PEAK1: variants seen among roughly 807,000 people sequenced by gnomAD.
PEAK1 encodes pseudopodium enriched atypical kinase 1.
A neutral mutation model predicts 124.7 loss-of-function variants in PEAK1; 54 were observed. The ratio of observed to expected loss-of-function variants is 0.43; its 90% confidence interval spans 0.35 to 0.54. PEAK1 has a LOEUF of 0.54. PEAK1 is among the 20% of genes least tolerant of loss of function. The pLI, the probability that PEAK1 is intolerant of heterozygous loss-of-function variation, is 0.01. For synonymous variants in PEAK1, 719 were observed against 760.0 expected (o/e 0.95, Z 0.89); for missense variants, 2,046 against 2,134.5 (o/e 0.96, Z 0.82).
chr15:77,166,345 A>G (rs1298221441), intron 7 of PEAK1, among the ~76,000 whole-genome samples: 2 of 152,242 alleles, frequency 1.3e-5, no homozygotes, highest in Non-Finnish European at 2.9e-5. Flanking sequence ...ATAGTGGCCA[A>G]AATTTACATA....
intron 2 of PEAK1, among the ~76,000 whole-genome samples, chr15:77,322,860 T>C (rs2065316173): frequency 6.6e-6 from 1 of 152,188 alleles, no homozygotes; most frequent in Admixed American, 6.5e-5. Flanking sequence ...ATATCCCTGA[T>C]GAACATCGAT....
At chr15:77,350,017 C>A (rs1037663109) in intron 2 of PEAK1, 2 of 984,828 alleles carry the variant, frequency 2.0e-6, no homozygotes, top group Non-Finnish European at 2.4e-6. Flanking sequence ...AAGAAGAAGA[C>A]ATAGAACAGC....
chr15:77,161,770 A>G (rs2055661713), intron 7 of PEAK1, among the ~76,000 whole-genome samples: 1 of 152,068 alleles, frequency 6.6e-6, no homozygotes, highest in Admixed American at 6.5e-5. Flanking sequence ...GTTCAACACC[A>G]GCCTGGCCAA....
intron 7 of PEAK1, among the ~76,000 whole-genome samples, chr15:77,161,371 G>A (rs1467962078): frequency 1.3e-5 from 2 of 152,184 alleles, no homozygotes; most frequent in Non-Finnish European, 2.9e-5. Flanking sequence ...GTGAAAGCTA[G>A]TTTTATTAAC....
intron 8 of PEAK1, among the ~76,000 whole-genome samples, chr15:77,142,561 T>G (rs993179038): frequency 6.6e-6 from 1 of 152,162 alleles, no homozygotes; most frequent in Non-Finnish European, 1.5e-5. Context: ...ACAAACCAGA[T>G]GTCCATCACC....
intron 6 of PEAK1, among the ~76,000 whole-genome samples, chr15:77,218,980 T>G (rs142285875): frequency 3.4e-4 from 51 of 152,226 alleles, no homozygotes; most frequent in African/African-American, 1.1e-3. Context: ...TGCAGTGAGA[T>G]GAACAATAAT....
intron 1 of PEAK1, among the ~76,000 whole-genome samples, chr15:77,366,114 C>G (rs1051667198): frequency 1.3e-5 from 2 of 152,196 alleles, no homozygotes; most frequent in Non-Finnish European, 2.9e-5. Flanking sequence ...TGGCACCCTT[C>G]CAGTTCTTCT....
intron 6 of PEAK1, among the ~76,000 whole-genome samples, chr15:77,231,015 T>C (rs1156672077): frequency 1.3e-5 from 2 of 152,152 alleles, no homozygotes; most frequent in Non-Finnish European, 2.9e-5. Flanking sequence ...GTATTCTCTA[T>C]AGGACCAGCC....
chr15:77,401,701 T>C, intron 1 of PEAK1: 1 of 984,788 alleles, frequency 1.0e-6, no homozygotes, highest in Non-Finnish European at 1.2e-6. Flanking sequence ...GAGCATAATG[T>C]CAAATGCATG....
At position 77,334,854 on chromosome 15, in the gene PEAK1, G is replaced by A. The variant is rs1021546253; in HGVS notation, c.-603+30309C>T. 1.3e-4 allele frequency: 126 copies of A among 985,278 alleles called. 1 individual carries two copies. Among genetic ancestry groups the A allele is most frequent in the Non-Finnish European group, 1.1e-4 (91 of 829,926 alleles). The allele number at this position is 985,278 out of a possible 1,614,324, so 61.0% of individuals were successfully genotyped here. ...ATCCAGAGATTTTAATTTGGCAACT[G>A]TATTTTCATGCCTTCAGAATCCTGT... On this transcript the variant is annotated intron_variant, in intron 2 of 9. Transcript: ENST00000682557.
At chr15:77,161,962 T>A (rs2055686345) in intron 7 of PEAK1, among the ~76,000 whole-genome samples, 2 of 65,322 alleles carry the variant, frequency 3.1e-5, no homozygotes. Context: ...TGAGACTCTG[T>A]CTCAAAAAAA....
chr15:77,307,242 T>C lies in PEAK1; in HGVS notation c.-602-20738A>G, dbSNP rs1018107813. ...GACATTAAGTGTATCACAGCTTATT[T>C]GGACCTTAGCTTCTCTATGTGTAAA... On this transcript the variant is annotated intron_variant, in intron 2 of 9. Transcript: ENST00000682557. Among the ~76,000 whole-genome samples, 14 of 152,252 alleles carry C rather than the reference T, an allele frequency of 9.2e-5. No homozygotes were observed. In the South Asian group the frequency reaches 2.9e-3, roughly 32 times the overall value.
chr15:77,349,091 G>A (rs2067052748), intron 2 of PEAK1: 2 of 764,336 alleles, frequency 2.6e-6, no homozygotes. Context: ...CCAGGCTAGA[G>A]TGCAGTGGTG....
At chr15:77,296,134 A>G (rs1250123324) in intron 2 of PEAK1, among the ~76,000 whole-genome samples, 1 of 152,244 alleles carries the variant, frequency 6.6e-6, no homozygotes, top group Admixed American at 6.5e-5. Context: ...GGGGAAAGAA[A>G]GGCACTAAGA....
rs976728532 is a variant in PEAK1 at position 77,183,623 on chromosome 15, C to T, written c.-114-1583G>A. Among the ~76,000 whole-genome samples the T allele has an allele frequency of 2.0e-5, 3 of 151,778 alleles. No homozygotes were observed. In the South Asian group the frequency reaches 6.2e-4, roughly 31 times the overall value. On this transcript the variant is annotated intron_variant, in intron 6 of 9. Coordinates refer to ENST00000682557, the MANE Select transcript of PEAK1 (RefSeq NM_001385026.1). ...AAATATTGTACCTAAATATATTTTG[C>T]CTTTTATCAAAAACATTTGCCAAAA...
intron 2 of PEAK1, among the ~76,000 whole-genome samples, chr15:77,313,999 T>A (rs1167104035): frequency 6.6e-6 from 1 of 152,030 alleles, no homozygotes; most frequent in Non-Finnish European, 1.5e-5. Context: ...CAGCGATAAG[T>A]CATGCTGACA....
chr15:77,131,538 C>T (rs2052860809), intron 9 of PEAK1, among the ~76,000 whole-genome samples: 2 of 152,156 alleles, frequency 1.3e-5, no homozygotes, highest in South Asian at 4.1e-4. Context: ...AGCTCTACCA[C>T]TTGCTAGCTG....
At chr15:77,329,096 T>C (rs1444913529) in intron 2 of PEAK1, among the ~76,000 whole-genome samples, 2 of 152,198 alleles carry the variant, frequency 1.3e-5, no homozygotes, top group African/African-American at 4.8e-5. Flanking sequence ...TTTTAATTAA[T>C]GGGCTAAGAT....
chr15:77,125,670 T>A (rs2052314539), intron 9 of PEAK1, among the ~76,000 whole-genome samples: 1 of 152,238 alleles, frequency 6.6e-6, no homozygotes, highest in Non-Finnish European at 1.5e-5. Context: ...AGCACAGATT[T>A]AAACCCAGGT....
Sources: gnomAD v4.1 joint callset for allele counts (sites outside exome capture counted in the v4.1 genomes callset) on GRCh38, gnomAD v4.1.1 for gene constraint, MANE v1.5 for transcripts, NCBI Gene and HGNC (gene_info 2026-07-23, HGNC 2026-07-21) for gene names.